Variants in DGKG observed in about 807,000 individuals in gnomAD.
The protein encoded by DGKG is diacylglycerol kinase gamma, also known as DAG kinase gamma.
In DGKG, 78 loss-of-function variants were observed where a neutral mutation model predicts 105.3. The observed-to-expected ratio is 0.74, with a 90% CI of 0.62 to 0.89. The LOEUF (loss-of-function observed/expected upper bound fraction) is 0.89. Ranked by LOEUF, DGKG falls within the 40% of genes least tolerant of loss-of-function variation. The probability of loss-of-function intolerance (pLI) is 0.00; values close to 1 mark genes in which losing one functional copy is unlikely to be tolerated. For missense variants in DGKG, 958 were observed against 1,020.1 expected, an observed-to-expected ratio of 0.94 and a Z score of 0.83; for synonymous variants, 346 against 367.1, an observed-to-expected ratio of 0.94 and a Z score of 0.66.
At chr3:186,235,820 A>G (rs531416476) in intron 20 of DGKG, among the ~76,000 whole-genome samples, 77 of 152,144 alleles carry the variant, frequency 5.1e-4, no homozygotes, top group African/African-American at 1.8e-3. Flanking sequence ...TCCGTGAGGG[A>G]GGGTTAGTCA....
chr3:186,191,588 G>A (rs1717910790), intron 21 of DGKG, among the ~76,000 whole-genome samples: 1 of 152,100 alleles, frequency 6.6e-6, no homozygotes, highest in South Asian at 2.1e-4. Context: ...TTTAGTTTAA[G>A]GCCACTCTCT....
chr3:186,178,658 G>C (rs741485), intron 22 of DGKG, among the ~76,000 whole-genome samples: 9,107 of 152,222 alleles, frequency 0.06, 746 homozygotes, highest in African/African-American at 0.19. Flanking sequence ...TCTTGCAGAA[G>C]GGAGTGGGAG....
chr3:186,214,312 C>G (rs1354450655), intron 20 of DGKG, among the ~76,000 whole-genome samples: 1 of 152,192 alleles, frequency 6.6e-6, no homozygotes, highest in Non-Finnish European at 1.5e-5. Context: ...AGAAAAATAT[C>G]TGCTTCAAGA....
intron 24 of DGKG, among the ~76,000 whole-genome samples, chr3:186,150,931 C>T (rs1163176183): frequency 6.6e-6 from 1 of 152,188 alleles, no homozygotes; most frequent in African/African-American, 2.4e-5. Flanking sequence ...CTGAGTGTGG[C>T]CTTGCCACCT....
intron 9 of DGKG, among the ~76,000 whole-genome samples, chr3:186,277,171 T>A (rs1179436870): frequency 1.3e-5 from 2 of 152,242 alleles, no homozygotes; most frequent in African/African-American, 4.8e-5. Flanking sequence ...TTGACCAACA[T>A]CTACCTCAAG....
intron 24 of DGKG, chr3:186,160,989 G>T: frequency 1.0e-6 from 1 of 985,232 alleles, no homozygotes; most frequent in South Asian, 4.7e-5. Context: ...TACAAACCAG[G>T]CACTGTTCTA....
intron 22 of DGKG, among the ~76,000 whole-genome samples, chr3:186,182,316 A>T (rs1338497717): frequency 6.6e-6 from 1 of 152,220 alleles, no homozygotes; most frequent in Admixed American, 6.5e-5. Flanking sequence ...CCCCACACCT[A>T]ACAATAATTC....
At chr3:186,227,467 A>C (rs781130281) in intron 20 of DGKG, among the ~76,000 whole-genome samples, 2 of 152,210 alleles carry the variant, frequency 1.3e-5, no homozygotes, top group Non-Finnish European at 2.9e-5. Flanking sequence ...GAATGCAATG[A>C]AACTCAGGAA....
intron 7 of DGKG, chr3:186,281,405 G>A (rs1031886657): frequency 6.6e-6 from 1 of 152,272 alleles, no homozygotes; most frequent in Non-Finnish European, 1.5e-5. Context: ...GGCTGCCAAT[G>A]AGTCAGTGTT....
At chr3:186,259,609 C>T (rs913191771) in intron 16 of DGKG, among the ~76,000 whole-genome samples, 2 of 152,140 alleles carry the variant, frequency 1.3e-5, no homozygotes, top group East Asian at 1.9e-4. Flanking sequence ...TCTAGCTGAA[C>T]CCGGAGCAGA....
chr3:186,180,901 T>C (rs1242478291), intron 22 of DGKG, among the ~76,000 whole-genome samples: 2 of 152,244 alleles, frequency 1.3e-5, no homozygotes, highest in Non-Finnish European at 2.9e-5. Flanking sequence ...GATTGAACCA[T>C]ACGTGCTTGC....
chr3:186,242,672 G>T lies in DGKG; in HGVS notation c.1762-104C>A. On this transcript the variant is annotated intron_variant, in intron 19 of 24. Transcript: ENST00000265022. ...CACTCGCTGAGTCATGCCAACCCTG[G>T]GACTCTATCTATCGCATGGTGGGGC... 4.3e-6 allele frequency: 4 copies of T among 938,580 alleles called. No individual in the cohort carries two copies. In the South Asian group the frequency reaches 7.4e-5, roughly 17 times the overall value. 58.1% of individuals were successfully genotyped at this position (938,580 alleles called of 1,614,324 possible).
rs1396052308 is a variant in DGKG at position 186,148,727 on chromosome 3, G to A, written c.*1363C>T. On this transcript the variant is annotated 3_prime_UTR_variant, in exon 25 of 25. Coordinates refer to ENST00000265022, the MANE Select transcript of DGKG (RefSeq NM_001346.3). ...ATGGGAGAGTAAATCCAGCCCAGCA[G>A]GTCTTTCATGCTTGTTTTGAGGATC... 1 of 984,774 alleles carries A rather than the reference G, an allele frequency of 1.0e-6. No homozygotes were observed. Among genetic ancestry groups the A allele is most frequent in the African/African-American group, 1.7e-5 (1 of 57,172 alleles). The allele number at this position is 984,774 out of a possible 1,614,324, so 61.0% of individuals were successfully genotyped here. A position where few individuals can be genotyped will look rare whatever the true frequency, so the allele number is the denominator to read the frequency against.
rs1018608629 is a variant in DGKG, at chr3:186,210,523, G to A, written c.1917+1272C>T. The A allele has an allele frequency of 1.8e-5, 8 of 445,148 alleles. No individual in the cohort carries two copies. The highest frequency in any genetic ancestry group is 4.7e-5 in the South Asian group (3 of 63,352). The allele number at this position is 445,148 out of a possible 1,614,324, so 27.6% of individuals were successfully genotyped here. On this transcript the variant is annotated intron_variant, in intron 21 of 24. Coordinates refer to ENST00000265022, the MANE Select transcript of DGKG (RefSeq NM_001346.3). This position sits in a 1 kb window ranked among gnomAD's most constrained non-coding sequence, Gnocchi z 5.2. ...CCAGATCGGCGCCTCCCACCCTGGCGTTGGTAACCCAGCAACCGAAGAGGA... is the reference window on the plus strand; with the variant it reads ...CCAGATCGGCGCCTCCCACCCTGGCATTGGTAACCCAGCAACCGAAGAGGA...
chr3:186,257,395 C>T (rs1351111646), intron 17 of DGKG, among the ~76,000 whole-genome samples: 1 of 152,232 alleles, frequency 6.6e-6, no homozygotes, highest in Non-Finnish European at 1.5e-5. Context: ...CAGTGTGGTC[C>T]TTCTTTGCTT....
rs1717737629 is a variant in DGKG, at chr3:186,188,286, C to T, written c.2011G>A (p.Gly671Arg). 1 of 1,614,134 alleles carries T rather than the reference C, an allele frequency of 6.2e-7. No homozygotes were observed. Among genetic ancestry groups the T allele is most frequent in the Non-Finnish European group, 8.5e-7 (1 of 1,180,046 alleles). ...ACAGCCCGGTTCTTCTTGTTTTCTC[C>T]CCAGAGATTGGTGCCTCCGTACATG... ...PSMYGGTNLW[G>R]ENKKNRAVIR... Residue 671 changes from glycine (G) to arginine (R), a missense_variant, in exon 22 of 25, where the codon GGA (glycine) becomes AGA (arginine). Physicochemically the swap from Gly to Arg is moderately radical, Grantham distance 125. Coordinates refer to ENST00000265022, the MANE Select transcript of DGKG (RefSeq NM_001346.3).
At chr3:186,208,662 C>T (rs908921222) in intron 21 of DGKG, among the ~76,000 whole-genome samples, 2 of 152,358 alleles carry the variant, frequency 1.3e-5, no homozygotes, top group Non-Finnish European at 1.5e-5. Flanking sequence ...CTCTGACTCT[C>T]TCTCCTATGA....
At chr3:186,282,786 G>C (rs1267350366) in intron 7 of DGKG, among the ~76,000 whole-genome samples, 1 of 152,164 alleles carries the variant, frequency 6.6e-6, no homozygotes, top group East Asian at 1.9e-4. Context: ...AAAGTACTGG[G>C]ATTATAGGCT....
At chr3:186,357,690 C>T (rs1162622045) in intron 1 of DGKG, among the ~76,000 whole-genome samples, 1 of 152,206 alleles carries the variant, frequency 6.6e-6, no homozygotes, top group African/African-American at 2.4e-5. Flanking sequence ...TTACTACCAC[C>T]ATCCCTCCTT....
Sources: gnomAD v4.1 joint callset for allele counts (sites outside exome capture counted in the v4.1 genomes callset) on GRCh38, gnomAD v4.1.1 for gene constraint, Gnocchi (gnomAD v3.1) non-coding constraint, MANE v1.5 for transcripts, NCBI Gene and HGNC (gene_info 2026-07-23, HGNC 2026-07-21) for gene names.